The following THSD7A variants were observed in gnomAD, a reference collection of about 807,000 sequenced individuals.
The protein encoded by THSD7A is thrombospondin type-1 domain-containing protein 7A.
Under a neutral mutation model 231.3 loss-of-function variants are expected in THSD7A, and 96 were observed. The ratio of observed to expected loss-of-function variants is 0.41; its 90% CI spans 0.35 to 0.49. The LOEUF (loss-of-function observed/expected upper bound fraction) is 0.49, where lower values mean the gene tolerates loss of function less well. Among genes scored for constraint, THSD7A ranks in the 20% least tolerant of loss-of-function variants. The pLI is 0.05. For synonymous variants in THSD7A, 940 were observed against 743.3 expected (o/e 1.26, Z -4.30); for missense variants, 2,290 against 2,070.2 (o/e 1.11, Z -2.06).
chr7:11,425,480 T>A (rs1445168842), intron 15 of THSD7A, among the ~76,000 whole-genome samples: 4 of 152,040 alleles, frequency 2.6e-5, no homozygotes, highest in African/African-American at 9.7e-5. Flanking sequence ...GAGGGCCACA[T>A]GAAACAAGGC....
intron 11 of THSD7A, among the ~76,000 whole-genome samples, chr7:11,455,623 CTAATA>C (rs1294856494): frequency 1.3e-5 from 2 of 151,898 alleles, no homozygotes; most frequent in Admixed American, 6.6e-5. Flanking sequence ...ACTTTGTGTT[CTAATA>C]TAATAGATCA....
chr7:11,426,645 A>G, intron 15 of THSD7A, 21 bp downstream of exon 15: 2 of 1,549,196 alleles, frequency 1.3e-6, no homozygotes, highest in Non-Finnish European at 8.7e-7. Context: ...ATCAAAAAGC[A>G]TGAGGTTTAA....
intron 2 of THSD7A, 90 bp from the exon 3 acceptor site, chr7:11,593,592 T>G: frequency 6.7e-7 from 1 of 1,482,968 alleles, no homozygotes; most frequent in East Asian, 2.3e-5. Flanking sequence ...GCTTGGGCAT[T>G]TTTATTTCTA....
intron 2 of THSD7A, among the ~76,000 whole-genome samples, chr7:11,621,469 A>G (rs1781309343): frequency 6.6e-6 from 1 of 151,916 alleles, no homozygotes; most frequent in Non-Finnish European, 1.5e-5. Context: ...TTCCAACACA[A>G]TCCTCATTTT....
At chr7:11,454,012 A>G (rs1003364334) in intron 11 of THSD7A, among the ~76,000 whole-genome samples, 1 of 152,056 alleles carries the variant, frequency 6.6e-6, no homozygotes, top group African/African-American at 2.4e-5. Flanking sequence ...AACAGAGAGA[A>G]AAGACAGTGG....
rs1205787161 is a variant in THSD7A at position 11,454,717 on chromosome 7, G to A, written c.2605+5945C>T. 3.3e-5 allele frequency among the ~76,000 whole-genome samples: 5 copies of A among 151,884 alleles called. No homozygotes were observed. The East Asian group carries it at 9.7e-4, about 29-fold the overall frequency. On this transcript the variant is annotated intron_variant, in intron 11 of 27. Transcript: ENST00000423059. ...TTGTTATACATTTTTAATATCTCAA[G>A]AGGCTGGGCCTAGTACCATGAAGGC...
At chr7:11,700,008 C>T (rs1780536645) in intron 1 of THSD7A, among the ~76,000 whole-genome samples, 1 of 151,160 alleles carries the variant, frequency 6.6e-6, no homozygotes, top group Non-Finnish European at 1.5e-5. Context: ...AGAAGAATAT[C>T]CTTAAAGTTA....
chr7:11,705,982 G>A (rs10950364), intron 1 of THSD7A, among the ~76,000 whole-genome samples: 72,071 of 150,596 alleles, frequency 0.48, 17,551 homozygotes, highest in South Asian at 0.65. Context: ...TAGCATTTCT[G>A]TTATAGTCTC....
chr7:11,405,036 T>C (rs1395233849), intron 22 of THSD7A, among the ~76,000 whole-genome samples: 1 of 152,138 alleles, frequency 6.6e-6, no homozygotes, highest in Non-Finnish European at 1.5e-5. Flanking sequence ...GTTGGATATT[T>C]TCAGAGTCTA....
chr7:11,382,755 G>A (rs1332848993), intron 23 of THSD7A, 139 bp from the exon 24 acceptor site: 3 of 729,158 alleles, frequency 4.1e-6, no homozygotes, highest in Admixed American at 2.3e-5. Context: ...TTGTCCTGAA[G>A]TTGCCATGCA....
intron 1 of THSD7A, among the ~76,000 whole-genome samples, chr7:11,755,601 C>T (rs368729988): frequency 6.6e-6 from 1 of 151,934 alleles, no homozygotes; most frequent in Non-Finnish European, 1.5e-5. Context: ...CAGCACAGGT[C>T]GAGGAAGTCT....
chr7:11,644,493 A>G (rs1242340766), intron 1 of THSD7A, among the ~76,000 whole-genome samples: 2 of 152,008 alleles, frequency 1.3e-5, no homozygotes, highest in African/African-American at 4.8e-5. Flanking sequence ...GTTTTAATTT[A>G]ATTTTAATTT....
intron 1 of THSD7A, among the ~76,000 whole-genome samples, chr7:11,679,728 C>T (rs1005938337): frequency 1.3e-5 from 2 of 152,134 alleles, no homozygotes; most frequent in Non-Finnish European, 2.9e-5. Context: ...ATTCCATGCT[C>T]ATGGATAGGA....
chr7:11,535,936 T>C (rs1788898334), intron 6 of THSD7A, among the ~76,000 whole-genome samples: 1 of 152,214 alleles, frequency 6.6e-6, no homozygotes, highest in Non-Finnish European at 1.5e-5. Flanking sequence ...TACATTACAA[T>C]GTCCTTGTTT....
chr7:11,630,962 T>G (rs1383629196), intron 2 of THSD7A, among the ~76,000 whole-genome samples: 1 of 152,196 alleles, frequency 6.6e-6, no homozygotes, highest in Non-Finnish European at 1.5e-5. Flanking sequence ...CTCTCCCTAC[T>G]CCTCCTCCAT....
intron 4 of THSD7A, among the ~76,000 whole-genome samples, chr7:11,579,260 C>T (rs1791052651): frequency 6.6e-6 from 1 of 152,170 alleles, no homozygotes; most frequent in Non-Finnish European, 1.5e-5. Flanking sequence ...CCTCTGTTAA[C>T]ACTGGAGAGA....
chr7:11,533,155 A>G lies in THSD7A; in HGVS notation c.1822+8264T>C, dbSNP rs1788773645. Among the ~76,000 whole-genome samples, 3 of 152,308 alleles carry G rather than the reference A, an allele frequency of 2.0e-5. No individual in the cohort carries two copies. The East Asian group carries it at 5.8e-4, about 29-fold the overall frequency. On this transcript the variant is annotated intron_variant, in intron 6 of 27. Coordinates refer to ENST00000423059, the MANE Select transcript of THSD7A (RefSeq NM_015204.3). ...ACTCAAAACGTTTTAAGGGTGTTGC[A>G]TTGATAAAACTTTGCCAATTTAGAC...
chr7:11,415,321 G>T (rs1583697644), intron 17 of THSD7A, among the ~76,000 whole-genome samples: 1 of 152,108 alleles, frequency 6.6e-6, no homozygotes, highest in African/African-American at 2.4e-5. Context: ...AACGGCCTCG[G>T]GCATCATGAA....
In THSD7A at chr7:11,700,909, T is replaced by G. The variant is rs537681880; in HGVS notation, c.191-63948A>C. On this transcript the variant is annotated intron_variant, in intron 1 of 27. Transcript: ENST00000423059. ...ACTATCTGTATTTAAATGTATATCT[T>G]TGAATAGGTAATTTGGGAAGTCCTC... is the stretch of plus-strand genomic sequence containing the variant. Among the ~76,000 whole-genome samples the G allele has an allele frequency of 5.9e-5, 9 of 151,372 alleles. No homozygotes were observed. In the East Asian group the frequency reaches 1.8e-3, roughly 30 times the overall value.
Sources: allele counts gnomAD v4.1 joint callset (sites outside exome capture counted in the v4.1 genomes callset), GRCh38; gene constraint gnomAD v4.1.1; transcripts MANE v1.5; gene names NCBI Gene and HGNC (gene_info 2026-07-23, HGNC 2026-07-21).